Variants in DRD3 observed in about 807,000 individuals in gnomAD.
The protein encoded by DRD3 is dopamine receptor D3, also known as D(3) dopamine receptor.
A neutral mutation model predicts 36.3 loss-of-function variants in DRD3; 19 were observed. The ratio of observed to expected loss-of-function variants is 0.52; its 90% CI spans 0.36 to 0.77. The LOEUF is 0.77. Among genes scored for constraint, DRD3 ranks in the 30% least tolerant of loss-of-function variants. The probability of loss-of-function intolerance (pLI) is 0.00; values close to 1 mark genes in which losing one functional copy is unlikely to be tolerated. For missense variants in DRD3, 465 were observed against 505.3 expected, an observed-to-expected ratio of 0.92 and a Z score of 0.77; for synonymous variants, 195 against 203.7, an observed-to-expected ratio of 0.96 and a Z score of 0.36.
rs148005071 is a variant in DRD3 at position 114,155,134 on chromosome 3, T to C, written c.383+4621A>G. On this transcript the variant is annotated intron_variant, in intron 3 of 6. Coordinates refer to ENST00000383673, the MANE Select transcript of DRD3 (RefSeq NM_000796.6). ...AAATACTGAATCCATTTGGTTAAGTTTGTCAGATTGGTGACTGGCATTGTG... is the reference window on the plus strand; with the variant it reads ...AAATACTGAATCCATTTGGTTAAGTCTGTCAGATTGGTGACTGGCATTGTG... Among the ~76,000 whole-genome samples the C allele has an allele frequency of 1.3e-4, 20 of 152,370 alleles. No homozygotes were observed. The East Asian group carries it at 3.7e-3, about 28-fold the overall frequency.
At chr3:114,130,907 G>A (rs984017391) in intron 6 of DRD3, among the ~76,000 whole-genome samples, 3 of 152,324 alleles carry the variant, frequency 2.0e-5, no homozygotes, top group African/African-American at 7.2e-5. Context: ...GGACAGCGCA[G>A]TTAAGTGGCT....
At chr3:114,163,950 G>T (rs2077756852) in intron 2 of DRD3, among the ~76,000 whole-genome samples, 1 of 152,052 alleles carries the variant, frequency 6.6e-6, no homozygotes, top group Non-Finnish European at 1.5e-5. Context: ...AAAAAGGCCT[G>T]GTGTGGTGGC....
intron 2 of DRD3, among the ~76,000 whole-genome samples, chr3:114,162,413 C>A (rs1369254288): frequency 6.6e-6 from 1 of 152,076 alleles, no homozygotes; most frequent in East Asian, 1.9e-4. Context: ...TAACCAACAC[C>A]AACAGGAGCA....
intron 2 of DRD3, among the ~76,000 whole-genome samples, chr3:114,163,568 A>G (rs1222415626): frequency 6.6e-6 from 1 of 152,176 alleles, no homozygotes; most frequent in Non-Finnish European, 1.5e-5. Flanking sequence ...CTCAAAGTAT[A>G]GTGGCTTGCC....
At chr3:114,165,704 T>A (rs1180953621) in intron 2 of DRD3, among the ~76,000 whole-genome samples, 1 of 152,102 alleles carries the variant, frequency 6.6e-6, no homozygotes, top group Non-Finnish European at 1.5e-5. Context: ...ATTAGCCTCT[T>A]CAGTCCATTT....
chr3:114,155,364 G>GA (rs1165989151), intron 3 of DRD3, among the ~76,000 whole-genome samples: 1 of 152,138 alleles, frequency 6.6e-6, no homozygotes, highest in African/African-American at 2.4e-5. Flanking sequence ...TATGAGCCAA[G>GA]AAGGGAGCTT....
At chr3:114,161,153 G>A (rs925219817) in intron 2 of DRD3, among the ~76,000 whole-genome samples, 2 of 152,154 alleles carry the variant, frequency 1.3e-5, no homozygotes, top group Non-Finnish European at 2.9e-5. Flanking sequence ...TAGTTCTCGG[G>A]GAGAAACCTG....
chr3:114,159,863 G>C lies in DRD3; in HGVS notation c.275C>G (p.Thr92Arg). 6.2e-7 allele frequency: 1 copy of C among 1,613,888 alleles called. No individual in the cohort carries two copies. Among genetic ancestry groups the C allele is most frequent in the Non-Finnish European group, 8.5e-7 (1 of 1,179,784 alleles). ...VMPWVVYLEVTGGVWNFSRIC... is the reference protein window; with the variant it reads ...VMPWVVYLEVRGGVWNFSRIC... ...GCGGCTGAAATTCCAGACTCCACCT[G>C]TCACCTGGGTATCAGAGACAAGGAT... The change falls in exon 3 of 7, where the codon ACA (threonine) becomes AGA (arginine). Residue 92 changes from threonine to arginine, a missense_variant. By Grantham distance (71) the Thr-to-Arg change is moderately conservative. Transcript: ENST00000383673.
At chr3:114,145,779 A>G (rs2077565027) in intron 4 of DRD3, among the ~76,000 whole-genome samples, 1 of 152,216 alleles carries the variant, frequency 6.6e-6, no homozygotes, top group East Asian at 1.9e-4. Flanking sequence ...AATAAGTTGT[A>G]TGGTACATAT....
intron 3 of DRD3, among the ~76,000 whole-genome samples, chr3:114,150,918 G>A (rs140746026): frequency 0.011 from 1,676 of 152,312 alleles, 33 homozygotes; most frequent in African/African-American, 0.037. Context: ...TTAGCTGTGA[G>A]TTCTGAGATG....
At chr3:114,156,791 CTTTCTTTCTCTTTTCTTTT>C (rs2077680293) in intron 3 of DRD3, among the ~76,000 whole-genome samples, 1 of 81,692 alleles carries the variant, frequency 1.2e-5, no homozygotes, top group African/African-American at 4.4e-5. Flanking sequence ...TTCTTTCTTT[CTTTCTTTCTCTTTTCTTTT>C]TCTTTCTTTT....
intron 4 of DRD3, among the ~76,000 whole-genome samples, chr3:114,140,890 G>A (rs912596667): frequency 6.6e-6 from 1 of 152,198 alleles, no homozygotes. Context: ...GGTGGGGAGA[G>A]GGCAGTGGCC....
At chr3:114,182,643 C>T (rs376068522), upstream of DRD3, among the ~76,000 whole-genome samples, 14 of 151,866 alleles carry the variant, frequency 9.2e-5, no homozygotes, top group South Asian at 2.5e-3. Context: ...ACAGAGTCTC[C>T]GTCTGTCACC....
intron 5 of DRD3, among the ~76,000 whole-genome samples, chr3:114,134,891 T>C (rs2077461999): frequency 6.6e-6 from 1 of 152,236 alleles, no homozygotes; most frequent in Non-Finnish European, 1.5e-5. Flanking sequence ...ATCAGGCTAG[T>C]CATCACTTCA....
In DRD3 at chr3:114,139,505, G is replaced by T. The variant is rs768748323; in HGVS notation, c.718C>A (p.Gln240Lys). ...ACCCCCTCCAGGGTACTTACTTGCT[G>T]GGGGAAGCCAGGCCTGACACTGTTG... The part of the protein sequence containing the change: ...QCNSVRPGFP[Q>K]QTLSPDPAHL... The change falls in exon 5 of 7, where the codon CAG becomes AAG. Residue 240 changes from glutamine to lysine, a missense_variant. Gln to Lys is a moderately conservative substitution (Grantham distance 53). Transcript: ENST00000383673. 2 of 1,613,012 alleles carry T rather than the reference G, an allele frequency of 1.2e-6. No individual in the cohort carries two copies. The highest frequency in any genetic ancestry group is 1.7e-6 in the Non-Finnish European group (2 of 1,179,580).
At chr3:114,154,768 C>G (rs2077649911) in intron 3 of DRD3, among the ~76,000 whole-genome samples, 1 of 152,046 alleles carries the variant, frequency 6.6e-6, no homozygotes, top group Non-Finnish European at 1.5e-5. Flanking sequence ...TGCATTATTC[C>G]TGGGCTCCTC....
At chr3:114,148,172 C>A (rs779234663) in intron 3 of DRD3, among the ~76,000 whole-genome samples, 1 of 152,180 alleles carries the variant, frequency 6.6e-6, no homozygotes. Flanking sequence ...GCTTCTTTAT[C>A]GGTTCTACCT....
At position 114,159,764 on chromosome 3, in the gene DRD3, C is replaced by A; in HGVS notation, c.374G>T (p.Ser125Ile). 6.2e-7 allele frequency: 1 copy of A among 1,613,972 alleles called. No individual in the cohort carries two copies. Among genetic ancestry groups the A allele is most frequent in the Non-Finnish European group, 8.5e-7 (1 of 1,179,922 alleles). ...GGAATTGCAGCCCTACCTGTCTATG[C>A]TGATGGCACAGAGATTAAGGATGCT... ...TASILNLCAI[S>I]IDRYTAVVMP... The change falls in exon 3 of 7, where the codon AGC becomes ATC. Residue 125 changes from serine to isoleucine, a missense_variant. Ser to Ile is a moderately radical substitution (Grantham distance 142). Coordinates refer to ENST00000383673, the MANE Select transcript of DRD3 (RefSeq NM_000796.6).
At position 114,128,809 on chromosome 3, in the gene DRD3, C is replaced by G. The variant is rs2107825397; in HGVS notation, c.1110G>C (p.Trp370Cys). ...TGAGGGCGCTATTCACGTAGCCCAG[C>G]CATGTCGTGGCACTGTAAAGCTCTG... ...VSPELYSATTWLGYVNSALNP... is the reference protein window; with the variant it reads ...VSPELYSATTCLGYVNSALNP... The change falls in exon 7 of 7, where the codon TGG becomes TGC. Residue 370 changes from tryptophan to cysteine, a missense_variant. Trp to Cys is a radical substitution (Grantham distance 215). Transcript: ENST00000383673. 2 of 1,613,942 alleles carry G rather than the reference C, an allele frequency of 1.2e-6. No individual in the cohort carries two copies. The highest frequency in any genetic ancestry group is 2.2e-5 in the South Asian group (2 of 91,068).
Sources: gnomAD v4.1 joint callset for allele counts (sites outside exome capture counted in the v4.1 genomes callset) on GRCh38, gnomAD v4.1.1 for gene constraint, MANE v1.5 for transcripts, NCBI Gene and HGNC (gene_info 2026-07-23, HGNC 2026-07-21) for gene names.